The following FIRRM variants were observed in gnomAD, a reference collection of about 807,000 sequenced individuals.
The protein encoded by FIRRM is FIGNL1-interacting regulator of recombination and mitosis.
the FIRRM span, chr1:169,852,111 C>A: frequency 1.3e-6 from 1 of 757,450 alleles, no homozygotes; most frequent in Non-Finnish European, 2.2e-6. Flanking sequence ...AGAAGTGGGA[C>A]TACACCATAT....
chr1:169,827,650 A>T, the FIRRM span: 1 of 1,595,444 alleles, frequency 6.3e-7, no homozygotes, highest in Non-Finnish European at 8.6e-7. Flanking sequence ...ACAAAAAAAA[A>T]TTATTCCTTT....
At chr1:169,811,184 A>G in the FIRRM span, among the ~76,000 whole-genome samples, 2 of 152,064 alleles carry the variant, frequency 1.3e-5, no homozygotes, top group Non-Finnish European at 2.9e-5. Flanking sequence ...TAGTTTTTCT[A>G]TAAACAGGGA....
the FIRRM span, among the ~76,000 whole-genome samples, chr1:169,791,890 T>C: frequency 6.6e-6 from 1 of 152,220 alleles, no homozygotes; most frequent in Non-Finnish European, 1.5e-5. Flanking sequence ...ACTTTCTCCT[T>C]TCTTTCCTAC....
chr1:169,821,035 G>A, the FIRRM span, among the ~76,000 whole-genome samples: 1 of 152,138 alleles, frequency 6.6e-6, no homozygotes, highest in African/African-American at 2.4e-5. Context: ...ACTCAATTAA[G>A]GTGTTTTAAC....
the FIRRM span, chr1:169,837,166 T>TTA: frequency 1.4e-6 from 2 of 1,438,830 alleles, no homozygotes; most frequent in African/African-American, 2.9e-5. Context: ...TTATTGAGCA[T>TTA]TGTTTTAGGT....
the FIRRM span, among the ~76,000 whole-genome samples, chr1:169,810,834 A>ATTTTTTTTTTTT: frequency 5.7e-4 from 35 of 61,210 alleles, 10 homozygotes; most frequent in East Asian, 4.9e-3. Context: ...TTAGCCCCCA[A>ATTTTTTTTTTTT]TTTTTTTTTT....
chr1:169,842,592 AAG>A, the FIRRM span: 46 of 1,592,368 alleles, frequency 2.9e-5, no homozygotes, highest in Non-Finnish European at 3.8e-5. Flanking sequence ...ATATCAAAAA[AAG>A]AGGATTGTAC....
chr1:169,841,282 T>G, the FIRRM span, among the ~76,000 whole-genome samples: 1 of 152,266 alleles, frequency 6.6e-6, no homozygotes, highest in Admixed American at 6.5e-5. Flanking sequence ...GAACCAACCT[T>G]GCATCCCAGG....
the FIRRM span, among the ~76,000 whole-genome samples, chr1:169,785,476 C>T: frequency 6.6e-6 from 1 of 152,042 alleles, no homozygotes; most frequent in Non-Finnish European, 1.5e-5. Context: ...GGAGGTGGCT[C>T]TCAGTGGGAT....
At chr1:169,853,777 A>G in the FIRRM span, 1 of 1,613,886 alleles carries the variant, frequency 6.2e-7, no homozygotes, top group Non-Finnish European at 8.5e-7. Flanking sequence ...CTCTCCCTGC[A>G]ACAAAATAAA....
At chr1:169,792,601 T>C in the FIRRM span, 13 of 1,556,470 alleles carry the variant, frequency 8.4e-6, no homozygotes, top group African/African-American at 1.4e-5. Flanking sequence ...TAAAAGTTAT[T>C]TCAATTATGA....
At chr1:169,790,229 G>A in the FIRRM span, among the ~76,000 whole-genome samples, 79,806 of 151,580 alleles carry the variant, frequency 0.53, 21,511 homozygotes, top group African/African-American at 0.63. Flanking sequence ...CTAGGCTGGA[G>A]GGCAATGGCG....
the FIRRM span, among the ~76,000 whole-genome samples, chr1:169,813,317 T>C: frequency 6.6e-6 from 1 of 152,196 alleles, no homozygotes; most frequent in African/African-American, 2.4e-5. Context: ...CCAGATCATA[T>C]AGTAGTTGTA....
At chr1:169,814,637 C>T in the FIRRM span, among the ~76,000 whole-genome samples, 2 of 152,154 alleles carry the variant, frequency 1.3e-5, no homozygotes, top group Non-Finnish European at 2.9e-5. Context: ...TGGAAGTGCT[C>T]CCGAGAATTC....
the FIRRM span, among the ~76,000 whole-genome samples, chr1:169,786,304 A>G: frequency 1.3e-5 from 2 of 152,246 alleles, no homozygotes; most frequent in African/African-American, 4.8e-5. Context: ...ATTTTTCCTT[A>G]GAAGTTATTG....
At chr1:169,795,427 C>T in the FIRRM span, 3 of 1,377,170 alleles carry the variant, frequency 2.2e-6, no homozygotes, top group Non-Finnish European at 2.8e-6. Context: ...CCCTGGAAAG[C>T]CTCGCGGACG....
At chr1:169,852,795 T>C in the FIRRM span, 4 of 1,613,742 alleles carry the variant, frequency 2.5e-6, no homozygotes, top group East Asian at 4.5e-5. Flanking sequence ...TCCAGCCTTA[T>C]GCAAAAAGAG....
chr1:169,805,403 A>T, the FIRRM span, among the ~76,000 whole-genome samples: 1 of 152,226 alleles, frequency 6.6e-6, no homozygotes, highest in Non-Finnish European at 1.5e-5. Flanking sequence ...CAGTGGTTTC[A>T]GGGTTTCTAA....
the FIRRM span, chr1:169,853,541 C>G: frequency 1.5e-6 from 1 of 662,534 alleles, no homozygotes; most frequent in Non-Finnish European, 2.6e-6. Context: ...GGCTTTTAGC[C>G]AGCACTCACA....
Sources: gnomAD v4.1 joint callset for allele counts (sites outside exome capture counted in the v4.1 genomes callset) on GRCh38, gnomAD v4.1.1 for gene constraint, MANE v1.5 for transcripts, NCBI Gene and HGNC (gene_info 2026-07-23, HGNC 2026-07-21) for gene names.